Variants in PCDHGA1 observed in about 807,000 individuals in gnomAD.
PCDHGA1 encodes the protein protocadherin gamma subfamily A, 1.
PCDHGA1 carries 32 observed loss-of-function variants against 58.0 expected under a neutral mutation model. The ratio of observed to expected loss-of-function variants is 0.55; its 90% CI spans 0.42 to 0.74. The LOEUF is 0.74. Among genes scored for constraint, PCDHGA1 ranks in the 30% least tolerant of loss-of-function variants. PCDHGA1 has a pLI of 0.00. For missense variants in PCDHGA1, 1,205 were observed against 1,182.3 expected (o/e 1.02, Z -0.28); for synonymous variants, 498 against 501.1 (o/e 0.99, Z 0.08).
At chr5:141,374,916 C>T in intron 1 of PCDHGA1, 2 of 1,613,924 alleles carry the variant, frequency 1.2e-6, no homozygotes, top group Non-Finnish European at 1.7e-6. Flanking sequence ...GGGGAAGTAA[C>T]TTATTCCTTT....
intron 1 of PCDHGA1, chr5:141,366,379 C>A (rs866007408): frequency 1.9e-6 from 3 of 1,614,134 alleles, no homozygotes; most frequent in African/African-American, 2.7e-5. Flanking sequence ...CCCCCATTGA[C>A]CCTGAGGATC....
intron 1 of PCDHGA1, chr5:141,427,889 G>A: frequency 1.3e-6 from 2 of 1,566,516 alleles, no homozygotes; most frequent in Non-Finnish European, 1.7e-6. Context: ...CCCACGACCA[G>A]GGCTCGCCCG....
chr5:141,339,564 G>T (rs1167979752), intron 1 of PCDHGA1: 39 of 1,614,054 alleles, frequency 2.4e-5, no homozygotes, highest in Non-Finnish European at 3.1e-5. Flanking sequence ...GTGCTGGAGC[G>T]CTCTCTGGAC....
chr5:141,419,350 G>T lies in PCDHGA1; in HGVS notation c.2422-75457G>T, dbSNP rs202038869. 1.1e-4 allele frequency: 173 copies of T among 1,613,730 alleles called. 2 individuals are homozygous for T. The highest frequency in any genetic ancestry group is 2.3e-4 in the Admixed American group (14 of 60,012). ...ACTCTCTCATTGCCAGCGACCTGGA[G>T]TCACGAACGCTGTCGTCCTACGTGT... On this transcript the variant is annotated intron_variant, in intron 1 of 3. Transcript: ENST00000517417.
chr5:141,364,754 G>A (rs940260607), intron 1 of PCDHGA1: 5 of 1,613,870 alleles, frequency 3.1e-6, no homozygotes, highest in Non-Finnish European at 4.2e-6. Context: ...AAAAGTAAAA[G>A]TTAATGAAAA....
Position 141,505,409 on chromosome 5 carries a change from G to T in PCDHGA1, c.2497G>T (p.Asp833Tyr). The change falls in exon 3 of 4, where the codon GAC (aspartate) becomes TAC (tyrosine). Residue 833 changes from aspartate to tyrosine, a missense_variant. Asp to Tyr is a radical substitution (Grantham distance 160). Transcript: ENST00000517417. ...PGTSGSQNGD[D>Y]TGTWPNNQFD... Reference sequence around the variant, plus strand: ...TCTCCCCAGCTCCCAAAATGGCGATGACACCGGCACCTGGCCCAACAACCA... The same window carrying T: ...TCTCCCCAGCTCCCAAAATGGCGATTACACCGGCACCTGGCCCAACAACCA... 6.2e-7 allele frequency: 1 copy of T among 1,614,200 alleles called. No individual in the cohort carries two copies. Among genetic ancestry groups the T allele is most frequent in the Non-Finnish European group, 8.5e-7 (1 of 1,180,048 alleles).
Position 141,345,729 on chromosome 5 carries a change from G to T in PCDHGA1, c.2421+12624G>T, listed in dbSNP as rs200275256. 617 of 1,614,194 alleles carry T rather than the reference G, an allele frequency of 3.8e-4. No individual in the cohort carries two copies. The highest frequency in any genetic ancestry group is 4.6e-4 in the Non-Finnish European group (547 of 1,180,028). On this transcript the variant is annotated intron_variant, in intron 1 of 3. Transcript: ENST00000517417. ...CAACGCGCCCGAGATCCTGTACCCCGCCCTCCCCACAGACGGTTCCACTGG... is the reference window on the plus strand; with the variant it reads ...CAACGCGCCCGAGATCCTGTACCCCTCCCTCCCCACAGACGGTTCCACTGG...
chr5:141,388,541 T>C, intron 1 of PCDHGA1: 1 of 1,613,800 alleles, frequency 6.2e-7, no homozygotes, highest in Non-Finnish European at 8.5e-7. Flanking sequence ...ACTTTGGAGC[T>C]CCACCCCTAA....
In PCDHGA1 at chr5:141,476,653, C is replaced by T; in HGVS notation, c.2422-18154C>T. ...CCTATGAGCTGAGCCGAAATGAATA[C>T]TTTGCGCTTCGCGTGCAGACGCGGG... is the stretch of plus-strand genomic sequence containing the variant. On this transcript the variant is annotated intron_variant, in intron 1 of 3. Transcript: ENST00000517417. The surrounding 1 kb of genome is among the most constrained non-coding windows in gnomAD (Gnocchi z 7.6). 6.2e-7 allele frequency: 1 copy of T among 1,614,270 alleles called. No individual in the cohort carries two copies. The highest frequency in any genetic ancestry group is 8.5e-7 in the Non-Finnish European group (1 of 1,180,058).
Position 141,404,829 on chromosome 5 carries a change from T to C in PCDHGA1, c.2421+71724T>C. Reference sequence around the variant, plus strand: ...TCGGTGGGGCTGCACACAGGTGAAGTGCGCACAGCTCGGGCCCTGCTAGAT... The same window carrying C: ...TCGGTGGGGCTGCACACAGGTGAAGCGCGCACAGCTCGGGCCCTGCTAGAT... On this transcript the variant is annotated intron_variant, in intron 1 of 3. Transcript: ENST00000517417. 1.9e-6 allele frequency: 3 copies of C among 1,608,020 alleles called. No individual in the cohort carries two copies. The South Asian group carries it at 3.3e-5, about 18-fold the overall frequency.
Position 141,450,006 on chromosome 5 carries a change from C to CTATTTTTT in PCDHGA1, c.2422-44800_2422-44799insATTTTTTT, listed in dbSNP as rs70988802. Among the ~76,000 whole-genome samples the CTATTTTTT allele has an allele frequency of 4.4e-4, 58 of 132,942 alleles. 2 individuals carry two copies. The highest frequency in any genetic ancestry group is 8.4e-4 in the African/African-American group (30 of 35,608). The allele number at this position is 132,942 out of a possible 152,430, so 87.2% of individuals were successfully genotyped here. A position where few individuals can be genotyped will look rare whatever the true frequency, so the allele number is the denominator to read the frequency against. ...CACATTGCATTTAGTTGCCATGTCT[C>CTATTTTTT]TTTTTTTTTTTTTTTTTTGAGACAG... On this transcript the variant is annotated intron_variant, in intron 1 of 3. Coordinates refer to ENST00000517417, the MANE Select transcript of PCDHGA1 (RefSeq NM_018912.3).
intron 1 of PCDHGA1, among the ~76,000 whole-genome samples, chr5:141,455,860 A>T (rs1032468147): frequency 1.4e-5 from 2 of 139,848 alleles, no homozygotes; most frequent in South Asian, 2.3e-4. Context: ...AATTTCTTTT[A>T]TTATTTATTT....
At chr5:141,427,444 G>T (rs1184893966) in intron 1 of PCDHGA1, 1 of 482,228 alleles carries the variant, frequency 2.1e-6, no homozygotes, top group South Asian at 1.5e-5. Flanking sequence ...ATAAACGAAA[G>T]AGTTCCTTTT....
intron 1 of PCDHGA1, among the ~76,000 whole-genome samples, chr5:141,347,056 T>TTCCTTCCTTCCTTCCTCTCTCTCTTTCC (rs1561493149): frequency 7.4e-6 from 1 of 135,426 alleles, no homozygotes; most frequent in African/African-American, 3.1e-5. Flanking sequence ...TCTTTCCTCC[T>TTCCTTCCTTCCTTCCTCTCTCTCTTTCC]TCCTTCCTTC....
chr5:141,332,781 G>A lies in PCDHGA1; in HGVS notation c.2097G>A (p.Ala699=). 1 of 1,614,130 alleles carries A rather than the reference G, an allele frequency of 6.2e-7. No individual in the cohort carries two copies. The highest frequency in any genetic ancestry group is 1.1e-5 in the South Asian group (1 of 91,080). Residue 699 remains alanine, a synonymous_variant, in exon 1 of 4, where the codon GCG becomes GCA. Transcript: ENST00000517417. The surrounding 1 kb of genome is among the most constrained non-coding windows in gnomAD (Gnocchi z 4.6). ...TGTACCTGGTGGTGGCGGCGGCCGC[G>A]GTCTCCTGCGTCTTCCTGGCCTTCG... ...LTLYLVVAAA[A]VSCVFLAFVI...
intron 1 of PCDHGA1, chr5:141,413,874 T>C: frequency 6.2e-7 from 1 of 1,613,424 alleles, no homozygotes; most frequent in Non-Finnish European, 8.5e-7. Context: ...TCCTTGTCAG[T>C]GTGACTGTCT....
At position 141,330,674 on chromosome 5, in the gene PCDHGA1, G is replaced by A. The variant is rs941434746; in HGVS notation, c.-11G>A. On this transcript the variant is annotated 5_prime_UTR_variant, in exon 1 of 4. In the 5' UTR this introduces an upstream ATG that the reference lacks. Coordinates refer to ENST00000517417, the MANE Select transcript of PCDHGA1 (RefSeq NM_018912.3). ...TACTGGACTGGAAGAAAACTACGAA[G>A]TGAGAGAGCCATGAAGATTCAGAAA... is the stretch of plus-strand genomic sequence containing the variant. The A allele has an allele frequency of 4.4e-6, 7 of 1,593,190 alleles. No homozygotes were observed. Among genetic ancestry groups the A allele is most frequent in the Non-Finnish European group, 6.0e-6 (7 of 1,167,660 alleles).
At position 141,360,574 on chromosome 5, in the gene PCDHGA1, A is replaced by G. The variant is rs1761656122; in HGVS notation, c.2421+27469A>G. 3 of 1,613,862 alleles carry G rather than the reference A, an allele frequency of 1.9e-6. No homozygotes were observed. In the African/African-American group the frequency reaches 4.0e-5, roughly 22 times the overall value. ...TAATTTAAAAATTGGCGAATCCACT[A>G]AGCCAGGTACAACATTTCCACTTGA... On this transcript the variant is annotated intron_variant, in intron 1 of 3. Transcript: ENST00000517417.
rs1190445239 is a variant in PCDHGA1 at position 141,431,331 on chromosome 5, A to T, written c.2422-63476A>T. 1 of 1,614,062 alleles carries T rather than the reference A, an allele frequency of 6.2e-7. No individual in the cohort carries two copies. The highest frequency in any genetic ancestry group is 1.7e-5 in the Admixed American group (1 of 60,026). On this transcript the variant is annotated intron_variant, in intron 1 of 3. Coordinates refer to ENST00000517417, the MANE Select transcript of PCDHGA1 (RefSeq NM_018912.3). The surrounding 1 kb of genome is among the most constrained non-coding windows in gnomAD (Gnocchi z 4.8). ...CAAAATGGAGCCGACGGTAGTAAGT[A>T]CCCCGAATTGGTGCTGAAACGCGCC...
Sources: gnomAD v4.1 joint callset for allele counts (sites outside exome capture counted in the v4.1 genomes callset) on GRCh38, gnomAD v4.1.1 for gene constraint, Gnocchi (gnomAD v3.1) non-coding constraint, MANE v1.5 for transcripts, NCBI Gene and HGNC (gene_info 2026-07-23, HGNC 2026-07-21) for gene names.